TUBD1: variants seen among roughly 807,000 people sequenced by gnomAD.
The protein encoded by TUBD1 is tubulin delta 1.
In TUBD1, 38 loss-of-function variants were observed where a neutral mutation model predicts 51.2. The observed-to-expected ratio is 0.74, with a 90% CI of 0.57 to 0.97. TUBD1 has a LOEUF of 0.97. Ranked by LOEUF, TUBD1 falls within the 50% of genes least tolerant of loss-of-function variation. TUBD1 has a pLI of 0.00. For missense variants in TUBD1, 489 were observed against 538.4 expected, an observed-to-expected ratio of 0.91 and a Z score of 0.91; for synonymous variants, 169 against 178.2, an observed-to-expected ratio of 0.95 and a Z score of 0.41.
chr17:59,880,825 T>A, intron 4 of TUBD1, 69 bp downstream of exon 4: 1 of 1,466,666 alleles, frequency 6.8e-7, no homozygotes. Flanking sequence ...GTGAGAGCAA[T>A]CTTTTACCCA....
chr17:59,874,705 T>G lies in TUBD1; in HGVS notation c.770-2A>C. On this transcript the variant is annotated splice_acceptor_variant, in intron 5 of 8. Coordinates refer to ENST00000325752, the MANE Select transcript of TUBD1 (RefSeq NM_016261.4). LOFTEE classifies it high-confidence loss of function. ...GAACTAAATGCTCCATTAAGTCTCCTGTAAAGAAAAAAAAATCTGAACTAA... is the reference window on the plus strand; with the variant it reads ...GAACTAAATGCTCCATTAAGTCTCCGGTAAAGAAAAAAAAATCTGAACTAA... 8.1e-6 allele frequency: 13 copies of G among 1,600,518 alleles called. No individual in the cohort carries two copies. The highest frequency in any genetic ancestry group is 1.1e-5 in the Non-Finnish European group (13 of 1,177,002).
Position 59,860,595 on chromosome 17 carries a change from T to C in TUBD1, c.1260-171A>G, listed in dbSNP as rs186962853. On this transcript the variant is annotated intron_variant, in intron 8 of 8. Transcript: ENST00000325752. The stretch of plus-strand genomic sequence containing the variant: ...ACTCCAAAGATTAGTGAACTTTCTT[T>C]TTTTTTTTTGAGACAGAGTCTTGCT... Among the ~76,000 whole-genome samples the C allele has an allele frequency of 2.1e-3, 313 of 151,844 alleles. 1 individual carries two copies. The highest frequency in any genetic ancestry group is 7.6e-3 in the Admixed American group (116 of 15,252).
At chr17:59,891,171 C>T in intron 1 of TUBD1, 130 bp from the exon 2 acceptor site, 1 of 556,204 alleles carries the variant, frequency 1.8e-6, no homozygotes, top group Non-Finnish European at 3.1e-6. Context: ...TGTTCTGTCA[C>T]CCAGGCTAGA....
At chr17:59,882,909 C>T (rs1232796745) in intron 3 of TUBD1, among the ~76,000 whole-genome samples, 3 of 151,918 alleles carry the variant, frequency 2.0e-5, no homozygotes, top group Middle Eastern at 3.4e-3. Context: ...CTTAGCTTCC[C>T]GAGTAGCTGG....
At chr17:59,890,437 T>C (rs1316512076) in intron 2 of TUBD1, among the ~76,000 whole-genome samples, 1 of 152,102 alleles carries the variant, frequency 6.6e-6, no homozygotes, top group Non-Finnish European at 1.5e-5. Flanking sequence ...AGAGATGGGG[T>C]TTCACCATGT....
intron 7 of TUBD1, among the ~76,000 whole-genome samples, chr17:59,865,890 C>G (rs1470505156): frequency 1.3e-5 from 2 of 152,046 alleles, no homozygotes; most frequent in African/African-American, 4.8e-5. Context: ...GTGGGCAGAT[C>G]ACCTGAGGTT....
chr17:59,891,169 C>T (rs899833316), intron 1 of TUBD1, 128 bp from the exon 2 acceptor site: 15 of 560,178 alleles, frequency 2.7e-5, no homozygotes, highest in Middle Eastern at 4.7e-4. Flanking sequence ...CTTGTTCTGT[C>T]ACCCAGGCTA....
intron 3 of TUBD1, chr17:59,885,532 T>C (rs1311684774): frequency 6.5e-7 from 1 of 1,537,860 alleles, no homozygotes. Flanking sequence ...AGAACCTGAG[T>C]CGGTGGTTCA....
intron 7 of TUBD1, among the ~76,000 whole-genome samples, chr17:59,865,428 A>G (rs2039651779): frequency 6.6e-6 from 1 of 152,050 alleles, no homozygotes; most frequent in Admixed American, 6.6e-5. Context: ...AAAAATAAAA[A>G]AATCAACCGG....
At chr17:59,875,452 A>G (rs549148014) in intron 5 of TUBD1, among the ~76,000 whole-genome samples, 2 of 152,052 alleles carry the variant, frequency 1.3e-5, no homozygotes, top group East Asian at 3.9e-4. Context: ...CCCTGTTAAC[A>G]TGAAAGTTAA....
intron 5 of TUBD1, among the ~76,000 whole-genome samples, chr17:59,877,038 T>C (rs912663999): frequency 1.3e-5 from 2 of 152,104 alleles, no homozygotes; most frequent in African/African-American, 4.8e-5. Flanking sequence ...TTTTGTATTT[T>C]CTGTAGAGCT....
intron 2 of TUBD1, among the ~76,000 whole-genome samples, chr17:59,889,521 T>C (rs1225932510): frequency 1.4e-5 from 2 of 147,856 alleles, no homozygotes; most frequent in Admixed American, 6.7e-5. Flanking sequence ...ACAAAAAAAT[T>C]AGTTGGGCGT....
At chr17:59,885,840 C>T (rs2040697172) in intron 3 of TUBD1, among the ~76,000 whole-genome samples, 1 of 152,150 alleles carries the variant, frequency 6.6e-6, no homozygotes, top group South Asian at 2.1e-4. Context: ...TAGTTTGCAG[C>T]ATGACAGTGA....
chr17:59,885,193 G>A (rs1218184309), intron 3 of TUBD1: 56 of 427,958 alleles, frequency 1.3e-4, no homozygotes, highest in South Asian at 1.0e-3. Context: ...ATGTGTGTGG[G>A]AGACTACGAG....
At chr17:59,872,720 G>GTGTGTGTGTC (rs2040046393) in intron 6 of TUBD1, among the ~76,000 whole-genome samples, 2 of 135,632 alleles carry the variant, frequency 1.5e-5, no homozygotes, top group African/African-American at 5.3e-5. Flanking sequence ...GTGTGTGTGT[G>GTGTGTGTGTC]TGTGTGTGTC....
intron 7 of TUBD1, 141 bp downstream of exon 7, chr17:59,866,468 C>T (rs1598506058): frequency 2.1e-6 from 2 of 944,924 alleles, no homozygotes; most frequent in Non-Finnish European, 3.1e-6. Flanking sequence ...CTAACTGATG[C>T]CATGGTCAAA....
intron 5 of TUBD1, among the ~76,000 whole-genome samples, chr17:59,877,150 C>T (rs1183765525): frequency 6.6e-6 from 1 of 152,146 alleles, no homozygotes; most frequent in Admixed American, 6.6e-5. Flanking sequence ...TGAGCCACCA[C>T]GCCTGGCCAC....
chr17:59,872,542 T>A (rs2040027515), intron 6 of TUBD1, among the ~76,000 whole-genome samples: 1 of 152,210 alleles, frequency 6.6e-6, no homozygotes. Flanking sequence ...CACAAGGCTC[T>A]ACTCTGAATA....
At chr17:59,871,578 A>G (rs888885340) in intron 6 of TUBD1, among the ~76,000 whole-genome samples, 1 of 152,134 alleles carries the variant, frequency 6.6e-6, no homozygotes, top group African/African-American at 2.4e-5. Context: ...TGGTCCATCA[A>G]TATGAGGGAA....
Sources: allele counts gnomAD v4.1 joint callset (sites outside exome capture counted in the v4.1 genomes callset), GRCh38; gene constraint gnomAD v4.1.1; transcripts MANE v1.5; gene names NCBI Gene and HGNC (gene_info 2026-07-23, HGNC 2026-07-21).